Variants in CEP85 observed in about 807,000 individuals in gnomAD.
The protein encoded by CEP85 is centrosomal protein 85, also known as centrosomal protein of 85 kDa.
In CEP85, 58 loss-of-function variants were observed where a neutral mutation model predicts 93.7. The observed-to-expected ratio is 0.62, with a 90% CI of 0.50 to 0.77. The LOEUF is 0.77. CEP85 is among the 30% of genes least tolerant of loss of function. The pLI is 0.00. For missense variants in CEP85, 868 were observed against 922.0 expected (o/e 0.94, Z 0.76); for synonymous variants, 314 against 338.6 (o/e 0.93, Z 0.80).
intron 2 of CEP85, among the ~76,000 whole-genome samples, chr1:26,242,290 G>C (rs1157286094): frequency 6.6e-6 from 1 of 152,054 alleles, no homozygotes; most frequent in Non-Finnish European, 1.5e-5. Flanking sequence ...CAAAAGGCCT[G>C]GCAAATTTTA....
chr1:26,264,295 G>A (rs1364323659), intron 7 of CEP85, among the ~76,000 whole-genome samples: 1 of 152,230 alleles, frequency 6.6e-6, no homozygotes, highest in Non-Finnish European at 1.5e-5. Flanking sequence ...CACTTTGGGA[G>A]GCTGAGGCAA....
At chr1:26,239,929 A>G in intron 2 of CEP85, 91 bp downstream of exon 2, 1 of 933,644 alleles carries the variant, frequency 1.1e-6, no homozygotes, top group Non-Finnish European at 1.7e-6. Context: ...ACAAGCATTC[A>G]CTGAAATGCT....
chr1:26,261,773 T>C lies in CEP85; in HGVS notation c.1341+1971T>C, dbSNP rs147319926. 5.8e-3 allele frequency among the ~76,000 whole-genome samples: 885 copies of C among 151,858 alleles called. 7 individuals are homozygous for C. Among genetic ancestry groups the C allele is most frequent in the African/African-American group, 0.021 (862 of 41,406 alleles). On this transcript the variant is annotated intron_variant, in intron 7 of 13. Transcript: ENST00000451429. ...TTTTCCCTAAAATCAAGTTTATTAC[T>C]CAGAGCAAAAGTTGCCCATATAATA... is the stretch of plus-strand genomic sequence containing the variant.
chr1:26,264,027 T>G (rs2089854202), intron 7 of CEP85, among the ~76,000 whole-genome samples: 1 of 152,244 alleles, frequency 6.6e-6, no homozygotes, highest in Non-Finnish European at 1.5e-5. Context: ...CTGAATAGTA[T>G]GCTTTTCCTG....
chr1:26,266,405 T>G (rs1049109044), intron 7 of CEP85, among the ~76,000 whole-genome samples: 3 of 152,164 alleles, frequency 2.0e-5, no homozygotes, highest in Non-Finnish European at 2.9e-5. Flanking sequence ...AATAAATCTT[T>G]CCTAGACTTT....
At chr1:26,271,155 G>C in intron 10 of CEP85, 48 bp downstream of exon 10, 1 of 1,189,214 alleles carries the variant, frequency 8.4e-7, no homozygotes, top group East Asian at 2.3e-5. Flanking sequence ...TGGGAGGAAA[G>C]AGAAGATTGT....
At chr1:26,246,117 G>A (rs1240077735) in intron 3 of CEP85, among the ~76,000 whole-genome samples, 3 of 152,162 alleles carry the variant, frequency 2.0e-5, no homozygotes, top group African/African-American at 7.2e-5. Flanking sequence ...TGGTGAGAAT[G>A]TAGAGAAATG....
intron 3 of CEP85, among the ~76,000 whole-genome samples, chr1:26,246,099 A>C (rs570452296): frequency 1.1e-3 from 169 of 152,284 alleles, no homozygotes; most frequent in African/African-American, 4.0e-3. Context: ...AAATTGTAGC[A>C]GCCTTTTTGG....
chr1:26,277,358 G>A lies in CEP85; in HGVS notation c.*65G>A. 1 of 1,493,316 alleles carries A rather than the reference G, an allele frequency of 6.7e-7. No homozygotes were observed. Among genetic ancestry groups the A allele is most frequent in the Non-Finnish European group, 9.2e-7 (1 of 1,082,918 alleles). 92.5% of individuals were successfully genotyped at this position (1,493,316 alleles called of 1,614,324 possible). A position where few individuals can be genotyped will look rare whatever the true frequency, so the allele number is the denominator to read the frequency against. On this transcript the variant is annotated 3_prime_UTR_variant, in exon 14 of 14. Transcript: ENST00000451429. The stretch of plus-strand genomic sequence containing the variant: ...TGAGAGCCTAGTCCAGCAGGTTTCT[G>A]CCCTGACATTCTCTTGTCTGCTATT...
At chr1:26,249,629 G>A (rs2089572599) in intron 3 of CEP85, among the ~76,000 whole-genome samples, 5 of 152,184 alleles carry the variant, frequency 3.3e-5, no homozygotes, top group Admixed American at 3.3e-4. Context: ...AGTCACTGGT[G>A]TAATTCAGGC....
Position 26,255,651 on chromosome 1 carries a change from G to C in CEP85, c.689G>C (p.Gly230Ala). 2.5e-6 allele frequency: 4 copies of C among 1,614,094 alleles called. No homozygotes were observed. The highest frequency in any genetic ancestry group is 3.4e-6 in the Non-Finnish European group (4 of 1,180,016). The change falls in exon 4 of 14, where the codon GGC becomes GCC. Residue 230 changes from glycine to alanine, a missense_variant. Transcript: ENST00000451429. ...TTGCCTGAGGCCAAGAAGGCACCGG[G>C]CAGCGGGGCAGTGTTTGAGCGGAAT... is the stretch of plus-strand genomic sequence containing the variant. ...RVLPEAKKAP[G>A]SGAVFERNGP...
chr1:26,250,946 T>C (rs1161318168), intron 3 of CEP85, among the ~76,000 whole-genome samples: 2 of 139,676 alleles, frequency 1.4e-5, no homozygotes, highest in Non-Finnish European at 1.5e-5. Flanking sequence ...TTTTTTTTTT[T>C]TTTTTTTTTT....
intron 3 of CEP85, 32 bp downstream of exon 3, chr1:26,244,350 A>G (rs986933431): frequency 1.9e-6 from 3 of 1,589,638 alleles, no homozygotes; most frequent in African/African-American, 1.3e-5. Flanking sequence ...GATTACCAAT[A>G]TGTGTTCTCA....
At chr1:26,252,474 G>A (rs2089634428) in intron 3 of CEP85, among the ~76,000 whole-genome samples, 1 of 152,136 alleles carries the variant, frequency 6.6e-6, no homozygotes, top group Admixed American at 6.5e-5. Context: ...GGAGGTTGTG[G>A]TGAGCCAAGA....
At chr1:26,242,657 A>G (rs1173909351) in intron 2 of CEP85, among the ~76,000 whole-genome samples, 1 of 152,210 alleles carries the variant, frequency 6.6e-6, no homozygotes, top group Non-Finnish European at 1.5e-5. Context: ...ATTTGTGTCC[A>G]AATTACTTTG....
In CEP85 at chr1:26,259,768, A is replaced by T. The variant is rs199869751; in HGVS notation, c.1307A>T (p.Lys436Met). Residue 436 changes from lysine to methionine, a missense_variant, in exon 7 of 14, where the codon AAG becomes ATG. Coordinates refer to ENST00000451429, the MANE Select transcript of CEP85 (RefSeq NM_001319944.2). ...GAGTCGCTCAAAGTGGCGTTGCAGAAGCATTCTGAGGAAGTGAAGAAACAG... is the reference window on the plus strand; with the variant it reads ...GAGTCGCTCAAAGTGGCGTTGCAGATGCATTCTGAGGAAGTGAAGAAACAG... ...IRESLKVALQ[K>M]HSEEVKKQEE... The T allele has an allele frequency of 3.7e-6, 6 of 1,613,496 alleles. No individual in the cohort carries two copies. The African/African-American group carries it at 6.7e-5, about 18-fold the overall frequency.
chr1:26,255,587 A>G lies in CEP85; in HGVS notation c.625A>G (p.Asn209Asp). 1 of 1,614,194 alleles carries G rather than the reference A, an allele frequency of 6.2e-7. No individual in the cohort carries two copies. ...SDPHHRVRFH[N>D]PRTSTSKELY... ...TCCTCACCACCGAGTCCGCTTCCAC[A>G]ACCCAAGAACCAGCACAAGTAAGGA... is the stretch of plus-strand genomic sequence containing the variant. The change falls in exon 4 of 14, where the codon AAC becomes GAC. Residue 209 changes from asparagine to aspartate, a missense_variant. Transcript: ENST00000451429.
chr1:26,249,244 G>A (rs1280823558), intron 3 of CEP85, among the ~76,000 whole-genome samples: 1 of 152,070 alleles, frequency 6.6e-6, no homozygotes. Flanking sequence ...ACCACACCCA[G>A]CTAATTTTTG....
intron 9 of CEP85, 62 bp downstream of exon 9, chr1:26,269,676 C>A: frequency 1.5e-6 from 2 of 1,332,284 alleles, no homozygotes; most frequent in Non-Finnish European, 2.1e-6. Flanking sequence ...AGCCATCCTG[C>A]TCACTTACCT....
Sources: allele counts gnomAD v4.1 joint callset (sites outside exome capture counted in the v4.1 genomes callset), GRCh38; gene constraint gnomAD v4.1.1; transcripts MANE v1.5; gene names NCBI Gene and HGNC (gene_info 2026-07-23, HGNC 2026-07-21).